TSPAN18: variants seen among roughly 807,000 people sequenced by gnomAD.
The protein encoded by TSPAN18 is tetraspanin-18.
TSPAN18 carries 14 observed loss-of-function variants against 27.3 expected under a neutral mutation model. The ratio of observed to expected loss-of-function variants is 0.51; its 90% CI spans 0.34 to 0.80. TSPAN18 has a LOEUF of 0.80. Ranked by LOEUF, TSPAN18 falls within the 30% of genes least tolerant of loss-of-function variation. The pLI is 0.01. For synonymous variants in TSPAN18, 143 were observed against 136.5 expected (o/e 1.05, Z -0.33); for missense variants, 268 against 323.9 (o/e 0.83, Z 1.32).
chr11:44,918,718 A>G (rs10838387), intron 6 of TSPAN18, among the ~76,000 whole-genome samples: 42,702 of 151,984 alleles, frequency 0.28, 8,718 homozygotes, highest in African/African-American at 0.57. Flanking sequence ...GGCACCACCC[A>G]GGGCCCTAGC....
chr11:44,817,447 T>G (rs1856838896), intron 2 of TSPAN18, among the ~76,000 whole-genome samples: 1 of 152,220 alleles, frequency 6.6e-6, no homozygotes, highest in Non-Finnish European at 1.5e-5. Flanking sequence ...CTGCTCTCTG[T>G]GTCTCTCTTC....
rs570269214 is a variant in TSPAN18 at position 44,819,325 on chromosome 11, G to C, written c.-152-41003G>C. 1.2e-3 allele frequency among the ~76,000 whole-genome samples: 185 copies of C among 152,290 alleles called. 2 individuals are homozygous for C. The highest frequency in any genetic ancestry group is 3.7e-4 in the Non-Finnish European group (25 of 68,022). ...TATAGGGACTGGAGTTGGGAAACTT[G>C]ACTTCTGAGGAATAGATATTGGGGA... On this transcript the variant is annotated intron_variant, in intron 2 of 9. Coordinates refer to ENST00000520358, the MANE Select transcript of TSPAN18 (RefSeq NM_130783.5).
chr11:44,919,107 C>A, intron 6 of TSPAN18, 107 bp from the exon 7 acceptor site: 1 of 893,928 alleles, frequency 1.1e-6, no homozygotes, highest in Non-Finnish European at 1.8e-6. Context: ...TGCAGAGCCC[C>A]TAGCTCTCAT....
Position 44,766,392 on chromosome 11 carries a change from C to T in TSPAN18, c.-153+1880C>T, listed in dbSNP as rs546924536. Among the ~76,000 whole-genome samples, 5 of 152,300 alleles carry T rather than the reference C, an allele frequency of 3.3e-5. 1 individual carries two copies. The highest frequency in any genetic ancestry group is 1.2e-4 in the African/African-American group (5 of 41,572). ...GACCATAATCTTAATTGTAAACCTC[C>T]TGGCAGCAGCTGCCCTGATCCCCAC... On this transcript the variant is annotated intron_variant, in intron 2 of 9. Transcript: ENST00000520358.
In TSPAN18 at chr11:44,915,860, G is replaced by T. The variant is rs530108369; in HGVS notation, c.259-2112G>T. 2.0e-5 allele frequency among the ~76,000 whole-genome samples: 3 copies of T among 152,340 alleles called. No individual in the cohort carries two copies. In the South Asian group the frequency reaches 6.2e-4, roughly 32 times the overall value. ...ACACAAAAAAGAGACCGTGAGAACA[G>T]CGTCCGGTGCCCGGCGGTCCCCTGT... On this transcript the variant is annotated intron_variant, in intron 5 of 9. Coordinates refer to ENST00000520358, the MANE Select transcript of TSPAN18 (RefSeq NM_130783.5).
chr11:44,797,189 C>T (rs1176060950), intron 2 of TSPAN18, among the ~76,000 whole-genome samples: 8 of 152,274 alleles, frequency 5.3e-5, no homozygotes, highest in Admixed American at 1.3e-4. Context: ...TTTCTCACAA[C>T]CCAGGAGGCA....
intron 2 of TSPAN18, among the ~76,000 whole-genome samples, chr11:44,831,559 A>G (rs1857154045): frequency 6.6e-6 from 1 of 152,132 alleles, no homozygotes; most frequent in African/African-American, 2.4e-5. Context: ...CGGCCCCTTC[A>G]CCACTCCTAG....
Position 44,799,832 on chromosome 11 carries a change from G to GTATT in TSPAN18, c.-153+35333_-153+35336dup, listed in dbSNP as rs368844953. ...ATGCATTTATTAGAATGCTTGGCAAGTATTTATTTATTTATTGAGACGGAG... is the reference window on the plus strand; with the variant it reads ...ATGCATTTATTAGAATGCTTGGCAAGTATTTATTTATTTATTTATTGAGACGGAG... On this transcript the variant is annotated intron_variant, in intron 2 of 9. Transcript: ENST00000520358. Among the ~76,000 whole-genome samples, 554 of 152,124 alleles carry GTATT rather than the reference G, an allele frequency of 3.6e-3. 5 individuals are homozygous for GTATT. Among genetic ancestry groups the GTATT allele is most frequent in the Middle Eastern group, 0.014 (4 of 294 alleles).
chr11:44,917,042 C>T (rs1022894653), intron 5 of TSPAN18, among the ~76,000 whole-genome samples: 1 of 152,210 alleles, frequency 6.6e-6, no homozygotes, highest in Admixed American at 6.5e-5. Flanking sequence ...CTCATTCATC[C>T]ATGTAAGAGT....
intron 2 of TSPAN18, among the ~76,000 whole-genome samples, chr11:44,810,938 T>G (rs1315705826): frequency 6.6e-6 from 1 of 151,984 alleles, no homozygotes; most frequent in East Asian, 1.9e-4. Flanking sequence ...TATATAGTGG[T>G]TTCCTCATAT....
chr11:44,809,216 A>C (rs1856664095), intron 2 of TSPAN18, among the ~76,000 whole-genome samples: 1 of 151,980 alleles, frequency 6.6e-6, no homozygotes, highest in African/African-American at 2.4e-5. Flanking sequence ...GTTCCCCAGG[A>C]GTTCCTTTAC....
intron 2 of TSPAN18, among the ~76,000 whole-genome samples, chr11:44,826,767 C>G (rs1241158376): frequency 6.6e-6 from 1 of 152,216 alleles, no homozygotes; most frequent in African/African-American, 2.4e-5. Flanking sequence ...TGGATAGACA[C>G]ACACAGGGGT....
At chr11:44,831,622 GCTCA>G (rs1857156637) in intron 2 of TSPAN18, among the ~76,000 whole-genome samples, 2 of 152,244 alleles carry the variant, frequency 1.3e-5, no homozygotes, top group Non-Finnish European at 1.5e-5. Context: ...TCATTTACTC[GCTCA>G]CTCACTCATT....
At chr11:44,839,431 C>T (rs191551897) in intron 2 of TSPAN18, among the ~76,000 whole-genome samples, 1 of 152,260 alleles carries the variant, frequency 6.6e-6, no homozygotes, top group African/African-American at 2.4e-5. Flanking sequence ...GGCTCTTTTC[C>T]CTTTTCCTTG....
At chr11:44,925,354 T>A (rs1437684559) in intron 8 of TSPAN18, among the ~76,000 whole-genome samples, 4 of 152,230 alleles carry the variant, frequency 2.6e-5, no homozygotes, top group Non-Finnish European at 5.9e-5. Flanking sequence ...GAGAGTATCA[T>A]GGACCCAGAT....
chr11:44,918,326 T>C (rs1171494265), intron 6 of TSPAN18, among the ~76,000 whole-genome samples: 1 of 152,164 alleles, frequency 6.6e-6, no homozygotes, highest in Non-Finnish European at 1.5e-5. Flanking sequence ...CCTTGCCTAG[T>C]AACGGCCCAG....
intron 2 of TSPAN18, among the ~76,000 whole-genome samples, chr11:44,821,855 G>C (rs979612784): frequency 3.9e-5 from 6 of 152,222 alleles, no homozygotes; most frequent in Non-Finnish European, 8.8e-5. Context: ...AGGTTGTGTG[G>C]TCAGCTTGGC....
In TSPAN18 at chr11:44,789,658, CA is replaced by C. The variant is rs746521645; in HGVS notation, c.-153+25147del. On this transcript the variant is annotated intron_variant, in intron 2 of 9. Transcript: ENST00000520358. The stretch of plus-strand genomic sequence containing the variant: ...TGGTGATTCTGAGCTGGGAGCAAGC[CA>C]GGGGTGAATTGCGGGCCTGATACCC... Among the ~76,000 whole-genome samples, 119 of 152,022 alleles carry C rather than the reference CA, an allele frequency of 7.8e-4. 2 individuals are homozygous for C. Among genetic ancestry groups the C allele is most frequent in the Non-Finnish European group, 1.9e-4 (13 of 68,008 alleles).
intron 5 of TSPAN18, among the ~76,000 whole-genome samples, chr11:44,914,743 G>A (rs1268193958): frequency 6.6e-6 from 1 of 152,218 alleles, no homozygotes; most frequent in African/African-American, 2.4e-5. Context: ...AAATGGGGGT[G>A]TTGCTGATAA....
Sources: gnomAD v4.1 joint callset for allele counts (sites outside exome capture counted in the v4.1 genomes callset) on GRCh38, gnomAD v4.1.1 for gene constraint, MANE v1.5 for transcripts, NCBI Gene and HGNC (gene_info 2026-07-23, HGNC 2026-07-21) for gene names.